Variants in SLC14A2 observed in about 807,000 individuals in gnomAD.
SLC14A2 encodes the protein solute carrier family 14 member 2.
A neutral mutation model predicts 104.6 loss-of-function variants in SLC14A2; 91 were observed. The observed-to-expected ratio is 0.87, with a 90% CI of 0.73 to 1.04. SLC14A2 has a LOEUF of 1.04. Ranked by LOEUF, SLC14A2 falls within the 50% of genes least tolerant of loss-of-function variation. The probability of loss-of-function intolerance (pLI) is 0.00; values close to 1 mark genes in which losing one functional copy is unlikely to be tolerated. For synonymous variants in SLC14A2, 476 were observed against 466.4 expected, an observed-to-expected ratio of 1.02 and a Z score of -0.27; for missense variants, 1,189 against 1,156.0, an observed-to-expected ratio of 1.03 and a Z score of -0.41.
intron 18 of SLC14A2, among the ~76,000 whole-genome samples, chr18:45,674,633 T>C (rs1408858124): frequency 6.6e-6 from 1 of 151,968 alleles, no homozygotes; most frequent in African/African-American, 2.4e-5. Context: ...GTAGCTGTCA[T>C]ATTGCCCAAA....
At chr18:45,553,491 T>C (rs1428714424) in intron 2 of SLC14A2, among the ~76,000 whole-genome samples, 1 of 152,118 alleles carries the variant, frequency 6.6e-6, no homozygotes, top group Non-Finnish European at 1.5e-5. Context: ...CATTGATCCA[T>C]AGTTGAGATT....
chr18:45,480,273 C>T (rs1321751113), intron 1 of SLC14A2, among the ~76,000 whole-genome samples: 1 of 152,176 alleles, frequency 6.6e-6, no homozygotes, highest in Non-Finnish European at 1.5e-5. Context: ...CAAGATTCTT[C>T]AATTTCTTTT....
intron 1 of SLC14A2, among the ~76,000 whole-genome samples, chr18:45,391,254 C>T (rs1465571432): frequency 2.6e-5 from 4 of 152,192 alleles, no homozygotes; most frequent in Non-Finnish European, 5.9e-5. Flanking sequence ...AGTACATGAA[C>T]TCATCATTTT....
At chr18:45,680,251 T>C (rs1457384819) in intron 19 of SLC14A2, among the ~76,000 whole-genome samples, 1 of 152,206 alleles carries the variant, frequency 6.6e-6, no homozygotes, top group Non-Finnish European at 1.5e-5. Context: ...AACAAGTCAC[T>C]GAAAGAAATG....
At chr18:45,490,876 A>G (rs755292571) in intron 2 of SLC14A2, among the ~76,000 whole-genome samples, 1 of 152,214 alleles carries the variant, frequency 6.6e-6, no homozygotes, top group Non-Finnish European at 1.5e-5. Context: ...AAGATGGCCT[A>G]CCTCACTGAT....
At chr18:45,196,961 A>G in the SLC14A2 span, among the ~76,000 whole-genome samples, 1 of 152,238 alleles carries the variant, frequency 6.6e-6, no homozygotes. Flanking sequence ...GAATTAGCCA[A>G]TGGGGAAGAC....
chr18:45,290,726 G>A (rs138212715), intron 1 of SLC14A2, among the ~76,000 whole-genome samples: 42 of 152,308 alleles, frequency 2.8e-4, no homozygotes, highest in African/African-American at 1.0e-3. Flanking sequence ...TGTTGTCATT[G>A]ATATTTTCGA....
At chr18:45,635,687 G>A (rs985919527) in intron 5 of SLC14A2, among the ~76,000 whole-genome samples, 2 of 152,224 alleles carry the variant, frequency 1.3e-5, no homozygotes, top group African/African-American at 4.8e-5. Flanking sequence ...GGGGAGCAGA[G>A]AAACGGAGCC....
At chr18:45,294,584 A>C (rs1426601011) in intron 1 of SLC14A2, among the ~76,000 whole-genome samples, 1 of 152,240 alleles carries the variant, frequency 6.6e-6, no homozygotes, top group Non-Finnish European at 1.5e-5. Flanking sequence ...TGGGCCCCAT[A>C]CATTTTTTAA....
chr18:45,463,783 G>C (rs186264702), intron 1 of SLC14A2, among the ~76,000 whole-genome samples: 1 of 152,136 alleles, frequency 6.6e-6, no homozygotes, highest in Non-Finnish European at 1.5e-5. Context: ...GGGCTAACCT[G>C]CCATGTAATA....
chr18:45,342,149 G>A (rs2085402396), intron 1 of SLC14A2, among the ~76,000 whole-genome samples: 1 of 152,122 alleles, frequency 6.6e-6, no homozygotes, highest in Non-Finnish European at 1.5e-5. Context: ...AACGAGGTTC[G>A]GTATTCGCTA....
intron 1 of SLC14A2, among the ~76,000 whole-genome samples, chr18:45,271,216 A>G (rs1331266237): frequency 6.6e-6 from 1 of 152,188 alleles, no homozygotes; most frequent in Non-Finnish European, 1.5e-5. Context: ...TGAGCAAGTA[A>G]TGCTTGTCAG....
intron 1 of SLC14A2, among the ~76,000 whole-genome samples, chr18:45,263,313 GTTC>G (rs1189991905): frequency 6.6e-6 from 1 of 152,170 alleles, no homozygotes; most frequent in South Asian, 2.1e-4. Context: ...GAAGTGATGT[GTTC>G]TTCTCAGCGT....
intron 1 of SLC14A2, among the ~76,000 whole-genome samples, chr18:45,408,196 G>T (rs1442036914): frequency 6.6e-6 from 1 of 152,160 alleles, no homozygotes; most frequent in Non-Finnish European, 1.5e-5. Flanking sequence ...TCATATCATT[G>T]CTGGGGAAAT....
intron 2 of SLC14A2, among the ~76,000 whole-genome samples, chr18:45,579,268 G>T (rs1400283040): frequency 1.3e-5 from 2 of 152,186 alleles, no homozygotes; most frequent in African/African-American, 4.8e-5. Context: ...GATGCAAGGG[G>T]GCATGGAGAA....
In SLC14A2 at chr18:45,618,689, A is replaced by G. The variant is rs1033357634; in HGVS notation, c.-35+3107A>G. Among the ~76,000 whole-genome samples, 106 of 150,964 alleles carry G rather than the reference A, an allele frequency of 7.0e-4. 2 individuals are homozygous for G. The highest frequency in any genetic ancestry group is 2.5e-3 in the African/African-American group (103 of 41,218). On this transcript the variant is annotated intron_variant, in intron 1 of 19. Coordinates refer to ENST00000255226, the MANE Select transcript of SLC14A2 (RefSeq NM_007163.4). ...TGTCTCAAAAAAAAAAAAAAAAAAA[A>G]AAAAAAAAAGAAGTAGTAAATGGGG... is the stretch of plus-strand genomic sequence containing the variant.
chr18:45,291,710 C>T (rs1183061158), intron 1 of SLC14A2, among the ~76,000 whole-genome samples: 6 of 152,028 alleles, frequency 3.9e-5, no homozygotes, highest in Non-Finnish European at 7.4e-5. Flanking sequence ...GCTTTGTGGA[C>T]GTTCCTCCCC....
intron 1 of SLC14A2, among the ~76,000 whole-genome samples, chr18:45,252,253 C>A (rs1354498574): frequency 6.6e-6 from 1 of 152,138 alleles, no homozygotes; most frequent in African/African-American, 2.4e-5. Context: ...GATTTGAAAT[C>A]TATTTTCACC....
intron 1 of SLC14A2, among the ~76,000 whole-genome samples, chr18:45,288,775 A>G (rs2084840609): frequency 1.3e-5 from 2 of 152,246 alleles, no homozygotes; most frequent in South Asian, 4.1e-4. Flanking sequence ...TCTTCTACAC[A>G]ATTGATCATG....
Sources: allele counts gnomAD v4.1 joint callset (sites outside exome capture counted in the v4.1 genomes callset), GRCh38; gene constraint gnomAD v4.1.1; transcripts MANE v1.5; gene names NCBI Gene and HGNC (gene_info 2026-07-23, HGNC 2026-07-21).